The following PRPF3 variants were observed in gnomAD, a reference collection of about 807,000 sequenced individuals.
PRPF3 encodes U4/U6 small nuclear ribonucleoprotein Prp3.
Under a neutral mutation model 89.2 loss-of-function variants are expected in PRPF3, and 3 were observed. That is an observed-to-expected ratio of 0.03 (90% CI 0.02 to 0.09). The LOEUF is 0.09. PRPF3 is among the 10% of genes least tolerant of loss of function. The probability of loss-of-function intolerance (pLI) is 1.00; values close to 1 mark genes in which losing one functional copy is unlikely to be tolerated. For missense variants in PRPF3, 463 were observed against 828.8 expected (o/e 0.56, Z 5.42); for synonymous variants, 270 against 289.1 (o/e 0.93, Z 0.67).
intron 14 of PRPF3, 43 bp from the exon 15 acceptor site, chr1:150,349,114 C>T (rs782561553): frequency 6.7e-7 from 1 of 1,493,978 alleles, no homozygotes; most frequent in Non-Finnish European, 9.3e-7. Flanking sequence ...TTGTTTAGAA[C>T]CTGAATCTCA....
In PRPF3 at chr1:150,324,880, C is replaced by CTT. The variant is rs75011188; in HGVS notation, c.-48-4_-48-3dup. 146,845 of 1,251,300 alleles carry CTT rather than the reference C, an allele frequency of 0.12. 2,163 individuals carry two copies. The highest frequency in any genetic ancestry group is 0.14 in the East Asian group (4,812 of 35,392). The allele number at this position is 1,251,300 out of a possible 1,614,324, so 77.5% of individuals were successfully genotyped here. On this transcript the variant is annotated splice_polypyrimidine_tract_variant and intron_variant, in intron 1 of 15. Transcript: ENST00000324862. ...TCTTTTCTTATTCTCTAACTTGTCT[C>CTT]TTTTTTTTTTTTAGGTGTAGTATTG...
intron 6 of PRPF3, 129 bp downstream of exon 6, chr1:150,333,328 G>C (rs1656620857): frequency 9.8e-7 from 1 of 1,024,472 alleles, no homozygotes; most frequent in East Asian, 2.6e-5. Context: ...GGGAGGCTGA[G>C]GTAGGTGGAT....
At chr1:150,332,470 A>T (rs1656519231) in intron 4 of PRPF3, among the ~76,000 whole-genome samples, 1 of 152,200 alleles carries the variant, frequency 6.6e-6, no homozygotes, top group African/African-American at 2.4e-5. Flanking sequence ...TTACTACCTA[A>T]TATGCTAATC....
At chr1:150,322,423 G>C (rs1353418508) in intron 1 of PRPF3, among the ~76,000 whole-genome samples, 1 of 152,218 alleles carries the variant, frequency 6.6e-6, no homozygotes, top group African/African-American at 2.4e-5. Flanking sequence ...GCTTGTAAAT[G>C]GTGGGGCTCA....
At chr1:150,325,989 G>A in intron 3 of PRPF3, 108 bp downstream of exon 3, 1 of 1,380,780 alleles carries the variant, frequency 7.2e-7, no homozygotes, top group Non-Finnish European at 1.0e-6. Flanking sequence ...AGCAGCAAAT[G>A]TTCAAGAGAG....
chr1:150,348,460 A>ATTTTTTTTT lies in PRPF3; in HGVS notation c.1844-686_1844-678dup, dbSNP rs1185909509. 1.2e-4 allele frequency among the ~76,000 whole-genome samples: 6 copies of ATTTTTTTTT among 48,462 alleles called. 1 individual carries two copies. Among genetic ancestry groups the ATTTTTTTTT allele is most frequent in the South Asian group, 8.0e-4 (1 of 1,248 alleles). The allele number at this position is 48,462 out of a possible 152,430, so 31.8% of individuals were successfully genotyped here. A position where few individuals can be genotyped will look rare whatever the true frequency, so the allele number is the denominator to read the frequency against. On this transcript the variant is annotated intron_variant, in intron 14 of 15. Transcript: ENST00000324862. ...AAAAAATATTTTGTTCTACACGTGC[A>ATTTTTTTTT]TTTTTTTTTTTTTTTTTTTGAGATG...
intron 7 of PRPF3, among the ~76,000 whole-genome samples, chr1:150,336,777 A>G (rs1158151117): frequency 6.6e-6 from 1 of 151,288 alleles, no homozygotes; most frequent in African/African-American, 2.4e-5. Flanking sequence ...ATATATATTT[A>G]TTAATATAAT....
chr1:150,328,240 T>C, intron 3 of PRPF3, 80 bp from the exon 4 acceptor site: 1 of 1,560,344 alleles, frequency 6.4e-7, no homozygotes, highest in Non-Finnish European at 8.8e-7. Context: ...AGCCAGAAAA[T>C]GCTGGTAGGG....
At chr1:150,343,245 AAAAATATAT>A (rs1560112081) in intron 9 of PRPF3, 55 bp from the exon 10 acceptor site, 8 of 371,946 alleles carry the variant, frequency 2.2e-5, no homozygotes, top group Admixed American at 1.8e-4. Flanking sequence ...GAGAAAAAAA[AAAAATATAT>A]ATATATATAT....
intron 14 of PRPF3, among the ~76,000 whole-genome samples, chr1:150,347,338 CATACAT>C (rs1195296164): frequency 6.6e-6 from 1 of 151,896 alleles, no homozygotes; most frequent in African/African-American, 2.4e-5. Context: ...AATACACACA[CATACAT>C]GTACATGTAC....
intron 12 of PRPF3, among the ~76,000 whole-genome samples, chr1:150,344,763 C>T (rs1658112935): frequency 6.7e-6 from 1 of 149,384 alleles, no homozygotes; most frequent in African/African-American, 2.5e-5. Context: ...CTCAAGTCTT[C>T]TTTTTTTTTT....
intron 4 of PRPF3, among the ~76,000 whole-genome samples, chr1:150,331,936 A>G (rs1435235229): frequency 6.6e-6 from 1 of 152,020 alleles, no homozygotes; most frequent in African/African-American, 2.4e-5. Context: ...AAAAAAAATT[A>G]AGTATAGGCT....
chr1:150,346,376 G>A, intron 13 of PRPF3, 32 bp from the exon 14 acceptor site: 1 of 1,595,166 alleles, frequency 6.3e-7, no homozygotes, highest in South Asian at 1.1e-5. Context: ...ATCTTCCACA[G>A]TTCTGGCAAA....
In PRPF3 at chr1:150,352,851, A is replaced by G. The variant is rs781935872; in HGVS notation, c.1924A>G (p.Ser642Gly). The change falls in exon 16 of 16, where the codon AGC becomes GGC. Residue 642 changes from serine (S) to glycine (G), a missense_variant. Transcript: ENST00000324862. ...LVWEGTAKDR[S>G]FGEMKFKQCP... ...TTTCTAGGGTACAGCCAAAGACCGGAGCTTTGGAGAGATGAAGTTTAAACA... is the reference window on the plus strand; with the variant it reads ...TTTCTAGGGTACAGCCAAAGACCGGGGCTTTGGAGAGATGAAGTTTAAACA... 1.2e-6 allele frequency: 2 copies of G among 1,613,976 alleles called. No individual in the cohort carries two copies. The highest frequency in any genetic ancestry group is 1.7e-6 in the Non-Finnish European group (2 of 1,179,998).
intron 3 of PRPF3, among the ~76,000 whole-genome samples, chr1:150,327,139 C>T (rs1468676048): frequency 2.0e-5 from 3 of 150,536 alleles, no homozygotes; most frequent in Non-Finnish European, 4.4e-5. Context: ...GCAATCTTGA[C>T]TCACTGCAAC....
intron 1 of PRPF3, among the ~76,000 whole-genome samples, chr1:150,324,557 T>TTG (rs1655480547): frequency 2.1e-4 from 2 of 9,618 alleles, no homozygotes; most frequent in Admixed American, 2.2e-3. Context: ...ACTTTAGTCT[T>TTG]TTTTTTTTTT....
intron 15 of PRPF3, among the ~76,000 whole-genome samples, chr1:150,352,482 G>T (rs1203887266): frequency 6.6e-6 from 1 of 152,140 alleles, no homozygotes; most frequent in Admixed American, 6.6e-5. Context: ...TGGCTAACAC[G>T]GTGAAACCCC....
Position 150,341,397 on chromosome 1 carries a change from T to A in PRPF3, c.1282+920T>A, listed in dbSNP as rs1266471754. Reference sequence around the variant, plus strand: ...GTTGAAACTGGGAAACAAAGTTGCTTCTATTTTTTTTTTTTTTTTTTTTTT... The same window carrying A: ...GTTGAAACTGGGAAACAAAGTTGCTACTATTTTTTTTTTTTTTTTTTTTTT... On this transcript the variant is annotated intron_variant, in intron 9 of 15. Coordinates refer to ENST00000324862, the MANE Select transcript of PRPF3 (RefSeq NM_004698.4). Among the ~76,000 whole-genome samples the A allele has an allele frequency of 2.9e-5, 4 of 136,852 alleles. No individual in the cohort carries two copies. In the Admixed American group the frequency reaches 3.4e-4, roughly 12 times the overall value. 89.8% of individuals were successfully genotyped at this position (136,852 alleles called of 152,430 possible).
In PRPF3 at chr1:150,349,227, T is replaced by C; in HGVS notation, c.1905+9T>C. 1 of 1,610,876 alleles carries C rather than the reference T, an allele frequency of 6.2e-7. No individual in the cohort carries two copies. Among genetic ancestry groups the C allele is most frequent in the Non-Finnish European group, 8.5e-7 (1 of 1,177,288 alleles). On this transcript the variant is annotated intron_variant, in intron 15 of 15. Coordinates refer to ENST00000324862, the MANE Select transcript of PRPF3 (RefSeq NM_004698.4). The stretch of plus-strand genomic sequence containing the variant: ...GTGTACTAGTCTGGGAGGTAGGTGA[T>C]CCTTTGTAAAACATTGTAAAACTTT...
Sources: gnomAD v4.1 joint callset for allele counts (sites outside exome capture counted in the v4.1 genomes callset) on GRCh38, gnomAD v4.1.1 for gene constraint, MANE v1.5 for transcripts, NCBI Gene and HGNC (gene_info 2026-07-23, HGNC 2026-07-21) for gene names.